Variants in CNIH3 observed in about 807,000 individuals in gnomAD.
CNIH3 encodes the protein protein cornichon homolog 3.
In CNIH3, 14 loss-of-function variants were observed where a neutral mutation model predicts 24.1. The ratio of observed to expected loss-of-function variants is 0.58; its 90% confidence interval spans 0.38 to 0.91. CNIH3 has a LOEUF of 0.91. Among genes scored for constraint, CNIH3 ranks in the 40% least tolerant of loss-of-function variants. The pLI is 0.00. For synonymous variants in CNIH3, 68 were observed against 73.8 expected (o/e 0.92, Z 0.40); for missense variants, 178 against 196.8 (o/e 0.90, Z 0.57).
At chr1:224,675,063 C>T (rs1034942008) in intron 1 of CNIH3, among the ~76,000 whole-genome samples, 1 of 152,130 alleles carries the variant, frequency 6.6e-6, no homozygotes, top group African/African-American at 2.4e-5. Context: ...GCTTTGTTTC[C>T]ACTGCTTTGC....
chr1:224,466,188 A>G (rs1558085000), intron 1 of CNIH3, among the ~76,000 whole-genome samples: 1 of 152,188 alleles, frequency 6.6e-6, no homozygotes, highest in Non-Finnish European at 1.5e-5. Context: ...TTGCCACCAC[A>G]ATCAAGATAC....
At chr1:224,512,161 G>C (rs545915828), upstream of CNIH3, among the ~76,000 whole-genome samples, 536 of 146,128 alleles carry the variant, frequency 3.7e-3, 4 homozygotes, top group African/African-American at 0.013. Flanking sequence ...GGCAACAAGA[G>C]TGAAACACCG....
chr1:224,580,492 G>T (rs2125013307), intron 4 of CNIH3, among the ~76,000 whole-genome samples: 1 of 152,270 alleles, frequency 6.6e-6, no homozygotes, highest in East Asian at 1.9e-4. Flanking sequence ...GTGGGCAAAA[G>T]GGGAAAGGGC....
At chr1:224,673,059 A>G (rs891026453) in intron 1 of CNIH3, among the ~76,000 whole-genome samples, 7 of 152,176 alleles carry the variant, frequency 4.6e-5, no homozygotes, top group Non-Finnish European at 1.0e-4. Context: ...TTGAGTTTTC[A>G]TTTGGGTGAA....
At chr1:224,472,788 T>TA (rs996001521) in intron 1 of CNIH3, among the ~76,000 whole-genome samples, 1 of 152,084 alleles carries the variant, frequency 6.6e-6, no homozygotes. Context: ...CCTATTGAAA[T>TA]AAAAAAATTA....
upstream of CNIH3, chr1:224,513,721 A>C (rs1386848817): frequency 6.6e-6 from 1 of 152,232 alleles, no homozygotes; most frequent in Non-Finnish European, 1.5e-5. Context: ...GGAGACACAG[A>C]GCTACTTCAT....
chr1:224,586,115 G>T (rs951770435), intron 5 of CNIH3, among the ~76,000 whole-genome samples: 5 of 152,188 alleles, frequency 3.3e-5, no homozygotes, highest in Non-Finnish European at 5.9e-5. Flanking sequence ...TGAATGATCT[G>T]GTTCTCCCCA....
chr1:224,622,866 T>C (rs1243052005), intron 1 of CNIH3, among the ~76,000 whole-genome samples: 1 of 152,244 alleles, frequency 6.6e-6, no homozygotes, highest in African/African-American at 2.4e-5. Flanking sequence ...CCCTCTGGAC[T>C]TGTTTTCTGC....
chr1:224,686,049 C>T (rs985669270), intron 3 of CNIH3, among the ~76,000 whole-genome samples: 49 of 151,724 alleles, frequency 3.2e-4, no homozygotes, highest in African/African-American at 1.1e-3. Flanking sequence ...GGTACATGTA[C>T]ACAACGTGCA....
intron 1 of CNIH3, among the ~76,000 whole-genome samples, chr1:224,442,296 C>T (rs910170055): frequency 1.3e-5 from 2 of 152,164 alleles, no homozygotes; most frequent in African/African-American, 4.8e-5. Flanking sequence ...TAGGCAAGAG[C>T]CTGGCCTCTC....
intron 3 of CNIH3, among the ~76,000 whole-genome samples, chr1:224,709,647 A>G (rs1271140877): frequency 3.3e-5 from 5 of 152,238 alleles, no homozygotes; most frequent in Admixed American, 3.3e-4. Context: ...GTTTAAGGGC[A>G]GGCAAGTCCA....
rs1020833430 is a variant in CNIH3, at chr1:224,604,845, G to A, written n.402+38581G>A. Among the ~76,000 whole-genome samples the A allele has an allele frequency of 2.0e-5, 3 of 152,196 alleles. No individual in the cohort carries two copies. Among genetic ancestry groups the A allele is most frequent in the African/African-American group, 7.2e-5 (3 of 41,446 alleles). ...CTCCTGTACTGTGCCCAGGAAGAAT[G>A]AGGATACACTGGACATTGAACAGTG... On this transcript the variant is annotated intron_variant and non_coding_transcript_variant, in intron 3 of 7. Coordinates refer to the CNIH3 transcript ENST00000478120. The surrounding 1 kb of genome is among the most constrained non-coding windows in gnomAD (Gnocchi z 4.4).
At chr1:224,434,732 T>C in exon 1 of CNIH3, 1 of 985,538 alleles carries the variant, frequency 1.0e-6, no homozygotes, top group Non-Finnish European at 1.2e-6. Flanking sequence ...AGCTGCCGCC[T>C]CTGTCCTCGG....
downstream of CNIH3, among the ~76,000 whole-genome samples, chr1:224,542,305 C>A (rs1395384428): frequency 1.3e-5 from 2 of 152,194 alleles, no homozygotes; most frequent in African/African-American, 4.8e-5. Context: ...GGCAATGAAG[C>A]CCTAGCAACG....
At chr1:224,515,718 T>C (rs1051170311), upstream of CNIH3, 2 of 152,218 alleles carry the variant, frequency 1.3e-5, no homozygotes, top group African/African-American at 2.4e-5. Context: ...GTAGTTCCAC[T>C]TACCCAGGCT....
intron 1 of CNIH3, among the ~76,000 whole-genome samples, chr1:224,637,876 C>T (rs1684172354): frequency 6.6e-6 from 1 of 152,208 alleles, no homozygotes; most frequent in South Asian, 2.1e-4. Flanking sequence ...CCCCAGTCCC[C>T]CTGTCTGGCA....
At chr1:224,516,707 A>C (rs997034219) in intron 1 of CNIH3, among the ~76,000 whole-genome samples, 20 of 152,242 alleles carry the variant, frequency 1.3e-4, no homozygotes, top group Non-Finnish European at 2.8e-4. Flanking sequence ...GCAAGAGCAG[A>C]TAAGCCATTC....
chr1:224,484,329 C>T (rs897770627), intron 1 of CNIH3, among the ~76,000 whole-genome samples: 2 of 151,870 alleles, frequency 1.3e-5, no homozygotes, highest in Non-Finnish European at 2.9e-5. Context: ...ACTGGGGCGG[C>T]TGAGGCAGGA....
intron 3 of CNIH3, 87 bp from the exon 4 acceptor site, chr1:224,730,375 A>G: frequency 1.2e-6 from 1 of 802,396 alleles, no homozygotes; most frequent in South Asian, 1.6e-5. Flanking sequence ...TGTGAGAGGC[A>G]GTGTCCAGGC....
Sources: gnomAD v4.1 joint callset for allele counts (sites outside exome capture counted in the v4.1 genomes callset) on GRCh38, gnomAD v4.1.1 for gene constraint, Gnocchi (gnomAD v3.1) non-coding constraint, MANE v1.5 for transcripts, NCBI Gene and HGNC (gene_info 2026-07-23, HGNC 2026-07-21) for gene names.